OPHN1: variants seen among roughly 807,000 people sequenced by gnomAD.
OPHN1 encodes the protein oligophrenin-1.
OPHN1 carries 11 observed loss-of-function variants against 60.7 expected under a neutral mutation model. The ratio of observed to expected loss-of-function variants is 0.18; its 90% CI spans 0.11 to 0.30. The LOEUF (loss-of-function observed/expected upper bound fraction) is 0.30. Ranked by LOEUF, OPHN1 falls within the 10% of genes least tolerant of loss-of-function variation. The pLI is 1.00. For missense variants in OPHN1, 449 were observed against 611.0 expected (o/e 0.73, Z 2.80); for synonymous variants, 226 against 222.6 (o/e 1.02, Z -0.14).
At chrX:68,047,350 CTA>C (rs2076835551) in intron 24 of OPHN1, among the ~76,000 whole-genome samples, 187 bp from the exon 25 acceptor site, 1 of 111,517 alleles carries the variant, frequency 9.0e-6, no homozygotes, top group South Asian at 3.8e-4. Flanking sequence ...TAAGATGGTG[CTA>C]TGACCAGGGC....
intron 4 of OPHN1, among the ~76,000 whole-genome samples, chrX:68,277,555 C>T (rs2077997633): frequency 8.9e-6 from 1 of 112,172 alleles, no homozygotes; most frequent in Admixed American, 9.4e-5. Context: ...TTTGGGAAGC[C>T]GAGGCAGGTG....
At chrX:68,228,890 T>C (rs1231558153) in intron 6 of OPHN1, among the ~76,000 whole-genome samples, 2 of 110,335 alleles carry the variant, frequency 1.8e-5, no homozygotes, top group South Asian at 3.9e-4. Context: ...CTATTCAACA[T>C]AGTGTTGGAA....
intron 2 of OPHN1, among the ~76,000 whole-genome samples, chrX:68,300,242 A>G (rs2078113681): frequency 8.9e-6 from 1 of 111,914 alleles, no homozygotes; most frequent in Non-Finnish European, 1.9e-5. Context: ...TTGCTCTCAG[A>G]CCAAGGAAAA....
At chrX:68,235,549 T>C (rs2077748515) in intron 5 of OPHN1, among the ~76,000 whole-genome samples, 1 of 110,398 alleles carries the variant, frequency 9.1e-6, no homozygotes, top group East Asian at 2.8e-4. Flanking sequence ...ATAAGAAATG[T>C]GCTTTTGGCC....
At chrX:68,182,423 G>A (rs1457664227) in intron 15 of OPHN1, among the ~76,000 whole-genome samples, 2 of 108,881 alleles carry the variant, frequency 1.8e-5, no homozygotes, top group Middle Eastern at 4.7e-3. Context: ...GGAAGGGAGG[G>A]AAGGAGGGAG....
intron 2 of OPHN1, among the ~76,000 whole-genome samples, chrX:68,382,671 T>C (rs749925281): frequency 8.9e-6 from 1 of 111,755 alleles, no homozygotes; most frequent in African/African-American, 3.2e-5. Context: ...TTTGGAGTGA[T>C]GAAAATACTC....
At chrX:68,265,645 C>T (rs1346262372) in intron 5 of OPHN1, among the ~76,000 whole-genome samples, 45 of 112,066 alleles carry the variant, frequency 4.0e-4, no homozygotes, top group South Asian at 1.8e-3. Flanking sequence ...AGGAATGCAG[C>T]TCCTCACCAG....
chrX:68,377,006 T>C (rs1480073749), intron 2 of OPHN1, among the ~76,000 whole-genome samples: 3 of 106,570 alleles, frequency 2.8e-5, no homozygotes, highest in African/African-American at 1.0e-4. Flanking sequence ...CTCGGCTCAC[T>C]GCAACCTCCG....
At chrX:68,284,872 G>T (rs756047429) in intron 3 of OPHN1, among the ~76,000 whole-genome samples, 22 of 112,128 alleles carry the variant, frequency 2.0e-4, no homozygotes, top group Non-Finnish European at 3.6e-4. Context: ...CATATGAAAA[G>T]TTGGCCCTCC....
intron 4 of OPHN1, among the ~76,000 whole-genome samples, chrX:68,276,706 A>AT (rs764453102): frequency 1.8e-5 from 2 of 111,207 alleles, no homozygotes; most frequent in South Asian, 7.7e-4. Context: ...GCTTGTTAAT[A>AT]TTTTGAACAA....
At chrX:68,198,671 C>A (rs1237575914) in intron 11 of OPHN1, among the ~76,000 whole-genome samples, 1 of 111,530 alleles carries the variant, frequency 9.0e-6, no homozygotes, top group Admixed American at 9.6e-5. Context: ...TAAGATGAGA[C>A]CTCTCCTAGA....
chrX:68,055,545 C>T (rs1355566955), intron 21 of OPHN1, among the ~76,000 whole-genome samples: 3 of 111,809 alleles, frequency 2.7e-5, no homozygotes, highest in Admixed American at 9.4e-5. Flanking sequence ...GACAGTGTGG[C>T]GATTCCTCAA....
In OPHN1 at chrX:68,378,034, T is replaced by C. The variant is rs1279632325; in HGVS notation, c.154+54833A>G. Among the ~76,000 whole-genome samples, 4 of 112,169 alleles carry C rather than the reference T, an allele frequency of 3.6e-5. No homozygotes were observed. In the East Asian group the frequency reaches 8.5e-4, roughly 24 times the overall value. The stretch of plus-strand genomic sequence containing the variant: ...GACTTCCACAATGGTTGAACTAGTT[T>C]ACAGTCCCACCAACAGTGTAAAAGT... On this transcript the variant is annotated intron_variant, in intron 2 of 24. Transcript: ENST00000355520.
chrX:68,419,092 C>T (rs2147784512), intron 2 of OPHN1, among the ~76,000 whole-genome samples: 1 of 110,471 alleles, frequency 9.1e-6, no homozygotes, highest in South Asian at 3.9e-4. Flanking sequence ...ACTGCAACCT[C>T]CGCCTCCCGG....
At chrX:68,269,224 T>C (rs777068796) in intron 5 of OPHN1, among the ~76,000 whole-genome samples, 3 of 111,596 alleles carry the variant, frequency 2.7e-5, no homozygotes, top group Admixed American at 9.5e-5. Flanking sequence ...CTTCACAGAA[T>C]TGGAAAAAAC....
chrX:68,135,801 G>T (rs1453321607), intron 15 of OPHN1, among the ~76,000 whole-genome samples: 1 of 112,053 alleles, frequency 8.9e-6, no homozygotes, highest in Non-Finnish European at 1.9e-5. Context: ...TAGTCTGAGA[G>T]AGTAGAAGAA....
intron 2 of OPHN1, among the ~76,000 whole-genome samples, chrX:68,376,770 T>C (rs970113408): frequency 9.0e-6 from 1 of 111,471 alleles, no homozygotes; most frequent in Non-Finnish European, 1.9e-5. Flanking sequence ...ATTTATGACT[T>C]TGTTGACATG....
intron 5 of OPHN1, among the ~76,000 whole-genome samples, chrX:68,256,025 A>G (rs2077861456): frequency 9.0e-6 from 1 of 110,502 alleles, no homozygotes; most frequent in East Asian, 2.9e-4. Context: ...GAGGAGAAAG[A>G]GAAACAGCTC....
Position 68,213,843 on chromosome X carries a change from A to G in OPHN1, c.597+19T>C. ...TTTGATAAATATTTTTAGACCATTC[A>G]TCAACAGAGAAAACTTACAGGCTCC... is the stretch of plus-strand genomic sequence containing the variant. On this transcript the variant is annotated intron_variant, in intron 7 of 24. Coordinates refer to ENST00000355520, the MANE Select transcript of OPHN1 (RefSeq NM_002547.3). 1.0e-6 allele frequency: 1 copy of G among 966,547 alleles called. No homozygotes were observed. 79.7% of individuals were successfully genotyped at this position (966,547 alleles called of 1,213,427 possible).
Sources: gnomAD v4.1 joint callset for allele counts (sites outside exome capture counted in the v4.1 genomes callset) on GRCh38, gnomAD v4.1.1 for gene constraint, MANE v1.5 for transcripts, NCBI Gene and HGNC (gene_info 2026-07-23, HGNC 2026-07-21) for gene names.